Variants in REDIC1 observed in about 807,000 individuals in gnomAD.
REDIC1 encodes the protein HEI10 Interacting Protein 1.
chr12:39,838,022 C>G, the REDIC1 span, among the ~76,000 whole-genome samples: 2 of 150,996 alleles, frequency 1.3e-5, no homozygotes, highest in Non-Finnish European at 2.9e-5. Context: ...AATCATGCTG[C>G]TATAAAGACA....
chr12:39,721,202 A>G, the REDIC1 span: 7 of 1,613,428 alleles, frequency 4.3e-6, no homozygotes, highest in Admixed American at 1.7e-5. Flanking sequence ...TGCAGTGGAA[A>G]TATTAAGGCA....
At chr12:39,817,103 G>A in the REDIC1 span, among the ~76,000 whole-genome samples, 1 of 152,116 alleles carries the variant, frequency 6.6e-6, no homozygotes, top group African/African-American at 2.4e-5. Context: ...AAAACACAGA[G>A]AACATCTCAT....
At chr12:39,866,945 G>A in the REDIC1 span, among the ~76,000 whole-genome samples, 1 of 152,144 alleles carries the variant, frequency 6.6e-6, no homozygotes, top group African/African-American at 2.4e-5. Context: ...GGCCAATAAT[G>A]CGATAAAACT....
chr12:39,737,151 A>G, the REDIC1 span, among the ~76,000 whole-genome samples: 3 of 152,196 alleles, frequency 2.0e-5, no homozygotes, highest in Non-Finnish European at 2.9e-5. Context: ...TTGATACTCA[A>G]TAACTCCAGT....
the REDIC1 span, chr12:39,907,901 C>A: frequency 2.0e-5 from 3 of 151,214 alleles, no homozygotes; most frequent in African/African-American, 7.4e-5. Flanking sequence ...TGCTCCCAAC[C>A]CACCCATTCT....
chr12:39,641,116 T>A, the REDIC1 span: 2 of 700,758 alleles, frequency 2.9e-6, no homozygotes, highest in Non-Finnish European at 4.8e-6. Flanking sequence ...GTCTTCTACA[T>A]CCTTGTTGAT....
the REDIC1 span, among the ~76,000 whole-genome samples, chr12:39,896,021 TAC>T: frequency 2.8e-5 from 4 of 144,708 alleles, no homozygotes; most frequent in African/African-American, 1.0e-4. Flanking sequence ...TGTATATGTA[TAC>T]ATACATGCAT....
chr12:39,864,814 T>A, the REDIC1 span: 1 of 1,613,912 alleles, frequency 6.2e-7, no homozygotes, highest in Non-Finnish European at 8.5e-7. Flanking sequence ...GGCTTAAAAG[T>A]GATGCGTGGG....
At chr12:39,885,057 AGTGATATG>A in the REDIC1 span, among the ~76,000 whole-genome samples, 4 of 152,368 alleles carry the variant, frequency 2.6e-5, no homozygotes, top group East Asian at 7.7e-4. Context: ...TCTAGATGAC[AGTGATATG>A]AATTGTGACT....
At chr12:39,822,199 T>C in the REDIC1 span, among the ~76,000 whole-genome samples, 3 of 151,836 alleles carry the variant, frequency 2.0e-5, no homozygotes, top group African/African-American at 7.3e-5. Flanking sequence ...GATAGTTTAC[T>C]GAGAATGATG....
At chr12:39,669,642 C>T in the REDIC1 span, among the ~76,000 whole-genome samples, 9 of 152,230 alleles carry the variant, frequency 5.9e-5, no homozygotes, top group Admixed American at 4.6e-4. Context: ...CTATGCCCTG[C>T]CCCCAGAGGT....
At chr12:39,691,831 T>C in the REDIC1 span, among the ~76,000 whole-genome samples, 1 of 152,138 alleles carries the variant, frequency 6.6e-6, no homozygotes, top group African/African-American at 2.4e-5. Flanking sequence ...TCTTGGCAAG[T>C]GTCTATTCTG....
At chr12:39,725,466 G>A in the REDIC1 span, among the ~76,000 whole-genome samples, 1 of 152,076 alleles carries the variant, frequency 6.6e-6, no homozygotes. Flanking sequence ...TTTCTCATAT[G>A]TCTTTAGGCC....
chr12:39,821,803 G>A, the REDIC1 span, among the ~76,000 whole-genome samples: 1 of 152,046 alleles, frequency 6.6e-6, no homozygotes, highest in African/African-American at 2.4e-5. Context: ...AATGGGCCAG[G>A]GAAATACAAT....
At chr12:39,745,543 G>A in the REDIC1 span, among the ~76,000 whole-genome samples, 1 of 152,184 alleles carries the variant, frequency 6.6e-6, no homozygotes, top group African/African-American at 2.4e-5. Context: ...TGTACATTAA[G>A]TATCTAGCAC....
chr12:39,776,074 G>A, the REDIC1 span, among the ~76,000 whole-genome samples: 1 of 152,210 alleles, frequency 6.6e-6, no homozygotes, highest in East Asian at 1.9e-4. Flanking sequence ...CTCATAGACA[G>A]CTAATCTGGG....
chr12:39,688,646 G>A, the REDIC1 span, among the ~76,000 whole-genome samples: 3 of 152,096 alleles, frequency 2.0e-5, no homozygotes, highest in Admixed American at 6.5e-5. Context: ...TGATGACATC[G>A]TAATAAAAAA....
At chr12:39,669,469 G>A in the REDIC1 span, among the ~76,000 whole-genome samples, 17 of 152,328 alleles carry the variant, frequency 1.1e-4, no homozygotes, top group Middle Eastern at 0.017. Flanking sequence ...CCCTACTGGG[G>A]GGTGCATCCC....
chr12:39,808,802 C>A, the REDIC1 span, among the ~76,000 whole-genome samples: 1 of 151,938 alleles, frequency 6.6e-6, no homozygotes, highest in African/African-American at 2.4e-5. Context: ...TGTAAGAATT[C>A]TTTATTCATA....
Sources: gnomAD v4.1 joint callset for allele counts (sites outside exome capture counted in the v4.1 genomes callset) on GRCh38, gnomAD v4.1.1 for gene constraint, MANE v1.5 for transcripts, NCBI Gene and HGNC (gene_info 2026-07-23, HGNC 2026-07-21) for gene names.